The following CDKN2A variants were observed in gnomAD, a reference collection of about 807,000 sequenced individuals.
The protein encoded by CDKN2A is cyclin dependent kinase inhibitor 2A.
In CDKN2A, 3 loss-of-function variants were observed where a neutral mutation model predicts 11.1. That is an observed-to-expected ratio of 0.27 (90% CI 0.12 to 0.70). The LOEUF is 0.70. Among genes scored for constraint, CDKN2A ranks in the 30% least tolerant of loss-of-function variants. The pLI, the probability that CDKN2A is intolerant of heterozygous loss-of-function variation, is 0.77. For synonymous variants in CDKN2A, 122 were observed against 108.1 expected (o/e 1.13, Z -0.80); for missense variants, 265 against 233.6 (o/e 1.13, Z -0.88).
At chr9:21,972,016 C>T (rs1422809836) in intron 1 of CDKN2A, among the ~76,000 whole-genome samples, 1 of 151,974 alleles carries the variant, frequency 6.6e-6, no homozygotes, top group Non-Finnish European at 1.5e-5. Context: ...CCATTCCTCC[C>T]ACCCCCCAGC....
chr9:21,981,946 T>C (rs571285165), intron 2 of CDKN2A, among the ~76,000 whole-genome samples: 3 of 152,300 alleles, frequency 2.0e-5, no homozygotes, highest in Non-Finnish European at 4.4e-5. Flanking sequence ...GAAAAAACAA[T>C]GTGTCCCTGG....
In CDKN2A at chr9:21,974,371, G is replaced by A. The variant is rs2131108273; in HGVS notation, c.150+307C>T. 7 of 1,531,320 alleles carry A rather than the reference G, an allele frequency of 4.6e-6. No individual in the cohort carries two copies. The highest frequency in any genetic ancestry group is 2.7e-5 in the African/African-American group (2 of 72,938). The allele number at this position is 1,531,320 out of a possible 1,614,324, so 94.9% of individuals were successfully genotyped here. ...TTAAGACTCCCTTTTTATCCCAAAC[G>A]TTCGTAAATTTTGTATCTGATAAAG... On this transcript the variant is annotated intron_variant, in intron 1 of 2. Transcript: ENST00000304494. This position sits in a 1 kb window ranked among gnomAD's most constrained non-coding sequence, Gnocchi z 5.2.
chr9:21,994,353 G>T (rs1460467871), intron 1 of CDKN2A: 1 of 1,606,790 alleles, frequency 6.2e-7, no homozygotes. Flanking sequence ...CTCCAGGGCC[G>T]AGCTCGGCAG....
chr9:21,986,862 A>G (rs558262817), intron 2 of CDKN2A, among the ~76,000 whole-genome samples: 14 of 152,084 alleles, frequency 9.2e-5, no homozygotes, highest in Non-Finnish European at 1.5e-4. Flanking sequence ...ACATTTAACA[A>G]TTAGATGTTC....
intron 2 of CDKN2A, among the ~76,000 whole-genome samples, chr9:21,984,673 A>C (rs2131132447): frequency 6.6e-6 from 1 of 152,062 alleles, no homozygotes; most frequent in South Asian, 2.1e-4. Flanking sequence ...CTGGGAGTGG[A>C]GGTTTAATAT....
upstream of CDKN2A, among the ~76,000 whole-genome samples, chr9:21,978,122 A>AG (rs1820084494): frequency 2.1e-5 from 1 of 46,892 alleles, no homozygotes; most frequent in Non-Finnish European, 4.0e-5. Flanking sequence ...AATCTTATGT[A>AG]GGGGGGAGGG....
chr9:21,991,135 A>G lies in CDKN2A; in HGVS notation c.-4+2747T>C, dbSNP rs1223139632. Among the ~76,000 whole-genome samples, 1 of 152,146 alleles carries G rather than the reference A, an allele frequency of 6.6e-6. No individual in the cohort carries two copies. Among genetic ancestry groups the G allele is most frequent in the African/African-American group, 2.4e-5 (1 of 41,442 alleles). The stretch of plus-strand genomic sequence containing the variant: ...ACTGCCAAAATAAAGCACCACAAAA[A>G]CTTTTTATCACGTTGGTTTTTGTAT... On this transcript the variant is annotated intron_variant, in intron 2 of 3. Coordinates refer to the CDKN2A transcript ENST00000494262. The surrounding 1 kb of genome is among the most constrained non-coding windows in gnomAD (Gnocchi z 5.2).
chr9:21,984,043 T>A (rs903440441), intron 2 of CDKN2A, among the ~76,000 whole-genome samples: 2 of 152,006 alleles, frequency 1.3e-5, no homozygotes, highest in Admixed American at 6.6e-5. Flanking sequence ...AGGCTCTCAA[T>A]AAATGGTGCT....
intron 1 of CDKN2A, among the ~76,000 whole-genome samples, chr9:21,972,618 C>G (rs374571430): frequency 1.3e-5 from 2 of 152,190 alleles, no homozygotes; most frequent in African/African-American, 4.8e-5. Context: ...TTTGTTTTAG[C>G]TAACACATTT....
In CDKN2A at chr9:21,970,976, C is replaced by G. The variant is rs971657556; in HGVS notation, c.383G>C (p.Arg128Pro). 1 of 1,611,034 alleles carries G rather than the reference C, an allele frequency of 6.2e-7. No individual in the cohort carries two copies. Among genetic ancestry groups the G allele is most frequent in the East Asian group, 2.2e-5 (1 of 44,876 alleles). The stretch of plus-strand genomic sequence containing the variant: ...GCCCCCCGCAGCCGCGCGCAGGTAC[C>G]GTGCGACATCGCGATGGCCCAGCTC... ...AEELGHRDVA[R>P]YLRAAAGGTR... The change falls in exon 2 of 3, where the codon CGG becomes CCG. Residue 128 changes from arginine (R) to proline (P), a missense_variant. Arg to Pro is a moderately radical substitution (Grantham distance 103). Coordinates refer to ENST00000304494, the MANE Select transcript of CDKN2A (RefSeq NM_000077.5).
chr9:21,967,770 T>G lies in CDKN2A; in HGVS notation c.*459A>C. On this transcript the variant is annotated 3_prime_UTR_variant, in exon 3 of 3. Coordinates refer to ENST00000304494, the MANE Select transcript of CDKN2A (RefSeq NM_000077.5). ...CAATAAATGAGTGAATGAATGAAAATTATTTTATTTTTATTTGAGCTTTGG... is the reference window on the plus strand; with the variant it reads ...CAATAAATGAGTGAATGAATGAAAAGTATTTTATTTTTATTTGAGCTTTGG... The G allele has an allele frequency of 3.4e-6, 1 of 290,432 alleles. No homozygotes were observed. The allele number at this position is 290,432 out of a possible 1,614,324, so 18.0% of individuals were successfully genotyped here.
rs1274115086 is a variant in CDKN2A, at chr9:21,967,899, G to T, written c.*330C>A. 3 of 369,576 alleles carry T rather than the reference G, an allele frequency of 8.1e-6. No homozygotes were observed. The highest frequency in any genetic ancestry group is 1.5e-5 in the Non-Finnish European group (3 of 204,670). The allele number at this position is 369,576 out of a possible 1,614,324, so 22.9% of individuals were successfully genotyped here. A position where few individuals can be genotyped will look rare whatever the true frequency, so the allele number is the denominator to read the frequency against. ...ATGAAGTCGACAGCTTCCGGAGGCT[G>T]CGAGGCTCGCAAGAAATGCCCACAT... is the stretch of plus-strand genomic sequence containing the variant. On this transcript the variant is annotated 3_prime_UTR_variant, in exon 3 of 3. Transcript: ENST00000304494.
At position 21,971,089 on chromosome 9, in the gene CDKN2A, G is replaced by A. The variant is rs746459174; in HGVS notation, c.270C>T (p.Phe90=). ...RPVHDAAREG[F]LDTLVVLHRA... is the part of the protein sequence containing the mutation. Reference sequence around the variant, plus strand: ...GGTGCAGCACCACCAGCGTGTCCAGGAAGCCCTCCCGGGCAGCGTCGTGCA... The same window carrying A: ...GGTGCAGCACCACCAGCGTGTCCAGAAAGCCCTCCCGGGCAGCGTCGTGCA... Residue 90 remains phenylalanine (F), a synonymous_variant, in exon 2 of 3, where the codon TTC becomes TTT. Coordinates refer to ENST00000304494, the MANE Select transcript of CDKN2A (RefSeq NM_000077.5). The A allele has an allele frequency of 2.5e-6, 4 of 1,605,118 alleles. No homozygotes were observed. The highest frequency in any genetic ancestry group is 4.5e-5 in the East Asian group (2 of 44,876).
At position 21,974,503 on chromosome 9, in the gene CDKN2A, C is replaced by T. The variant is rs1453633223; in HGVS notation, c.150+175G>A. 6.2e-7 allele frequency: 1 copy of T among 1,612,938 alleles called. No individual in the cohort carries two copies. The highest frequency in any genetic ancestry group is 8.5e-7 in the Non-Finnish European group (1 of 1,179,762). On this transcript the variant is annotated intron_variant, in intron 1 of 2. Transcript: ENST00000304494. This position sits in a 1 kb window ranked among gnomAD's most constrained non-coding sequence, Gnocchi z 5.2. The stretch of plus-strand genomic sequence containing the variant: ...CATTCCTCTTCCTTGGCTTCCCAAG[C>T]CCCCAGGGCGTCGCCAGGAGGAGGT...
intron 1 of CDKN2A, among the ~76,000 whole-genome samples, chr9:21,972,461 G>C (rs1287428005): frequency 2.0e-5 from 3 of 152,100 alleles, no homozygotes; most frequent in Non-Finnish European, 4.4e-5. Flanking sequence ...AGAAAATACA[G>C]AGACCATGAG....
At chr9:21,981,440 A>G (rs956668163) in intron 2 of CDKN2A, among the ~76,000 whole-genome samples, 3 of 152,104 alleles carry the variant, frequency 2.0e-5, no homozygotes, top group Admixed American at 2.0e-4. Context: ...TGGAGCTCCC[A>G]GGTACAGCTG....
chr9:21,980,991 TATATATATATAC>T (rs1820165366), intron 2 of CDKN2A, among the ~76,000 whole-genome samples: 1 of 7,428 alleles, frequency 1.3e-4, no homozygotes, highest in African/African-American at 8.7e-4. Context: ...TATATACACG[TATATATATATAC>T]GTGTATATAT....
intron 2 of CDKN2A, among the ~76,000 whole-genome samples, chr9:21,987,691 T>C (rs950159434): frequency 1.3e-5 from 2 of 152,158 alleles, no homozygotes; most frequent in Non-Finnish European, 2.9e-5. Flanking sequence ...GTCTCCTTCA[T>C]TTGGTGAAAT....
intron 2 of CDKN2A, among the ~76,000 whole-genome samples, chr9:21,987,426 CACACACAG>C (rs1294441486): frequency 7.4e-4 from 90 of 121,620 alleles, no homozygotes; most frequent in Middle Eastern, 3.8e-3. Context: ...CACACACACA[CACACACAG>C]AGAGAGAGAG....
Sources: allele counts gnomAD v4.1 joint callset (sites outside exome capture counted in the v4.1 genomes callset), GRCh38; gene constraint gnomAD v4.1.1; non-coding constraint Gnocchi (gnomAD v3.1); transcripts MANE v1.5; gene names NCBI Gene and HGNC (gene_info 2026-07-23, HGNC 2026-07-21).